Variants in PPARGC1A observed in about 807,000 individuals in gnomAD.
PPARGC1A encodes the protein PPARG coactivator 1 alpha.
In PPARGC1A, 25 loss-of-function variants were observed where a neutral mutation model predicts 88.7. The ratio of observed to expected loss-of-function variants is 0.28; its 90% CI spans 0.21 to 0.39. PPARGC1A has a LOEUF of 0.39. Among genes scored for constraint, PPARGC1A ranks in the 10% least tolerant of loss-of-function variants. The pLI is 1.00. For synonymous variants in PPARGC1A, 363 were observed against 355.6 expected (o/e 1.02, Z -0.24); for missense variants, 880 against 968.7 (o/e 0.91, Z 1.22).
At chr4:23,910,815 CTCT>C in the PPARGC1A span, among the ~76,000 whole-genome samples, 1 of 78,502 alleles carries the variant, frequency 1.3e-5, no homozygotes, top group Non-Finnish European at 2.4e-5. Flanking sequence ...CTATTGTTAT[CTCT>C]TTTTTTCAGA....
the PPARGC1A span, among the ~76,000 whole-genome samples, chr4:24,124,506 A>G: frequency 1.3e-5 from 2 of 152,202 alleles, no homozygotes; most frequent in African/African-American, 2.4e-5. Context: ...AGTCTATGGC[A>G]TGACCTGCAA....
At chr4:24,414,224 A>C in the PPARGC1A span, among the ~76,000 whole-genome samples, 1 of 152,210 alleles carries the variant, frequency 6.6e-6, no homozygotes, top group Non-Finnish European at 1.5e-5. Flanking sequence ...TGCAGATTAC[A>C]AAGCGATTTC....
At chr4:24,115,281 T>A in the PPARGC1A span, among the ~76,000 whole-genome samples, 1 of 152,188 alleles carries the variant, frequency 6.6e-6, no homozygotes, top group South Asian at 2.1e-4. Context: ...AATTGTCGCT[T>A]TAAAAAATTC....
At chr4:24,242,457 G>A in the PPARGC1A span, among the ~76,000 whole-genome samples, 2 of 152,184 alleles carry the variant, frequency 1.3e-5, no homozygotes, top group Admixed American at 1.3e-4. Flanking sequence ...TCCCTCACTT[G>A]CTGGCTTGGA....
the PPARGC1A span, among the ~76,000 whole-genome samples, chr4:24,419,589 C>G: frequency 6.6e-6 from 1 of 151,428 alleles, no homozygotes; most frequent in African/African-American, 2.4e-5. Context: ...TAATTGTGAC[C>G]ACACTTCCTT....
the PPARGC1A span, among the ~76,000 whole-genome samples, chr4:24,406,291 A>C: frequency 6.6e-6 from 1 of 152,216 alleles, no homozygotes; most frequent in Non-Finnish European, 1.5e-5. Flanking sequence ...ATGTAAATAA[A>C]GCCATCACCT....
At chr4:24,052,190 T>C in the PPARGC1A span, among the ~76,000 whole-genome samples, 1 of 152,172 alleles carries the variant, frequency 6.6e-6, no homozygotes, top group Admixed American at 6.5e-5. Context: ...CAGTTTGAGC[T>C]TGACAAAGCA....
the PPARGC1A span, chr4:24,091,422 G>T: frequency 3.1e-6 from 3 of 981,146 alleles, no homozygotes; most frequent in Non-Finnish European, 3.6e-6. Flanking sequence ...AGCCAAAAGA[G>T]TTGAGAGAGA....
the PPARGC1A span, among the ~76,000 whole-genome samples, chr4:24,209,356 C>T: frequency 6.6e-6 from 1 of 152,176 alleles, no homozygotes; most frequent in South Asian, 2.1e-4. Flanking sequence ...AAAGCAGTTG[C>T]TCCCAACACA....
chr4:23,802,770 G>C (rs1178586809), intron 10 of PPARGC1A, among the ~76,000 whole-genome samples: 2 of 148,524 alleles, frequency 1.3e-5, no homozygotes, highest in Non-Finnish European at 3.0e-5. Context: ...ATGGCAATTA[G>C]AGCAAAACAT....
At chr4:23,867,622 T>C (rs182730807) in intron 2 of PPARGC1A, among the ~76,000 whole-genome samples, 2 of 152,348 alleles carry the variant, frequency 1.3e-5, no homozygotes, top group East Asian at 3.9e-4. Flanking sequence ...ATCCTCTCTC[T>C]GCTATTTTTG....
the PPARGC1A span, among the ~76,000 whole-genome samples, chr4:24,296,016 A>ATGTGTG: frequency 4.0e-5 from 2 of 49,596 alleles, no homozygotes; most frequent in South Asian, 6.4e-4. Context: ...GTGTGTATAT[A>ATGTGTG]TATGTATATG....
At chr4:24,147,539 C>CT in the PPARGC1A span, among the ~76,000 whole-genome samples, 1 of 152,172 alleles carries the variant, frequency 6.6e-6, no homozygotes, top group Admixed American at 6.5e-5. Context: ...CTGGACAGGT[C>CT]TGCCCATCCC....
chr4:23,913,789 A>T, the PPARGC1A span, among the ~76,000 whole-genome samples: 17 of 152,146 alleles, frequency 1.1e-4, no homozygotes, highest in Non-Finnish European at 7.4e-5. Flanking sequence ...ATTAACCCAA[A>T]CTATTTGACA....
chr4:24,362,171 C>T, the PPARGC1A span, among the ~76,000 whole-genome samples: 52,374 of 152,106 alleles, frequency 0.34, 9,164 homozygotes, highest in South Asian at 0.39. Context: ...AGTGCCTGCC[C>T]TTCAGAAGTT....
At chr4:24,335,027 A>G in the PPARGC1A span, among the ~76,000 whole-genome samples, 1 of 152,210 alleles carries the variant, frequency 6.6e-6, no homozygotes, top group African/African-American at 2.4e-5. Flanking sequence ...ATTCCACTGG[A>G]GTATCATTAA....
the PPARGC1A span, among the ~76,000 whole-genome samples, chr4:24,261,102 C>T: frequency 1.3e-5 from 2 of 151,970 alleles, no homozygotes; most frequent in Non-Finnish European, 1.5e-5. Flanking sequence ...GAAATCAGCA[C>T]ACCACATCAC....
intron 2 of PPARGC1A, among the ~76,000 whole-genome samples, chr4:23,849,562 G>A (rs887091199): frequency 5.9e-5 from 9 of 152,058 alleles, no homozygotes; most frequent in African/African-American, 1.9e-4. Flanking sequence ...GGATACAGAT[G>A]AAAAAGAAAA....
At chr4:24,195,964 G>C in the PPARGC1A span, among the ~76,000 whole-genome samples, 2 of 152,188 alleles carry the variant, frequency 1.3e-5, no homozygotes, top group African/African-American at 4.8e-5. Flanking sequence ...TTACAAGTTG[G>C]GAAGTCAGGA....
Sources: gnomAD v4.1 joint callset for allele counts (sites outside exome capture counted in the v4.1 genomes callset) on GRCh38, gnomAD v4.1.1 for gene constraint, MANE v1.5 for transcripts, NCBI Gene and HGNC (gene_info 2026-07-23, HGNC 2026-07-21) for gene names.